CNTNAP2: variants seen among roughly 807,000 people sequenced by gnomAD.
CNTNAP2 encodes contactin associated protein 2, also known as contactin-associated protein-like 2.
A neutral mutation model predicts 155.2 loss-of-function variants in CNTNAP2; 98 were observed. The observed-to-expected ratio is 0.63, with a 90% CI of 0.54 to 0.75. CNTNAP2 has a LOEUF of 0.75. Ranked by LOEUF, CNTNAP2 falls within the 30% of genes least tolerant of loss-of-function variation. The probability of loss-of-function intolerance (pLI) is 0.00; values close to 1 mark genes in which losing one functional copy is unlikely to be tolerated. For missense variants in CNTNAP2, 1,727 were observed against 1,688.1 expected (o/e 1.02, Z -0.40); for synonymous variants, 651 against 631.2 (o/e 1.03, Z -0.47).
At chr7:146,855,924 C>T (rs1207993946) in intron 3 of CNTNAP2, among the ~76,000 whole-genome samples, 2 of 148,626 alleles carry the variant, frequency 1.3e-5, no homozygotes, top group East Asian at 2.0e-4. Context: ...ATTGCAGTAA[C>T]ACTAAGCACA....
At chr7:147,456,958 G>A (rs1217700451) in intron 10 of CNTNAP2, among the ~76,000 whole-genome samples, 1 of 152,038 alleles carries the variant, frequency 6.6e-6, no homozygotes, top group Non-Finnish European at 1.5e-5. Context: ...TAGAAATTGT[G>A]GTCAATAACT....
chr7:148,248,081 G>A (rs961985670), intron 20 of CNTNAP2, among the ~76,000 whole-genome samples: 8 of 152,018 alleles, frequency 5.3e-5, no homozygotes, highest in Admixed American at 2.6e-4. Context: ...TCAAAATTTG[G>A]AATATTTCTA....
rs1434506810 is a variant in CNTNAP2 at position 148,419,003 on chromosome 7, A to ACAAG, written c.*3390_*3393dup. The ACAAG allele has an allele frequency of 6.6e-6, 1 of 152,268 alleles. No individual in the cohort carries two copies. Among genetic ancestry groups the ACAAG allele is most frequent in the African/African-American group, 2.4e-5 (1 of 41,458 alleles). The allele number at this position is 152,268 out of a possible 1,614,324, so 9.4% of individuals were successfully genotyped here. A position where few individuals can be genotyped will look rare whatever the true frequency, so the allele number is the denominator to read the frequency against. On this transcript the variant is annotated 3_prime_UTR_variant, in exon 24 of 24. Transcript: ENST00000361727. The stretch of plus-strand genomic sequence containing the variant: ...CGAAGCCATTGGAAGCACTTCAGGA[A>ACAAG]CAAGCACACAGCTGTGGGACTTGAA...
intron 15 of CNTNAP2, among the ~76,000 whole-genome samples, chr7:148,076,358 G>C (rs1043527146): frequency 1.4e-5 from 2 of 143,452 alleles, no homozygotes; most frequent in Non-Finnish European, 3.0e-5. Flanking sequence ...GAATGATCTC[G>C]CCCAAAATGT....
At chr7:146,392,060 C>A (rs1258491401) in intron 1 of CNTNAP2, among the ~76,000 whole-genome samples, 1 of 152,096 alleles carries the variant, frequency 6.6e-6, no homozygotes, top group Admixed American at 6.6e-5. Flanking sequence ...ATTAAGAAAT[C>A]ATATGTATTT....
chr7:148,315,325 G>A (rs2116525387), intron 21 of CNTNAP2, among the ~76,000 whole-genome samples: 1 of 152,272 alleles, frequency 6.6e-6, no homozygotes, highest in Non-Finnish European at 1.5e-5. Flanking sequence ...GGAGATAGGG[G>A]TGAGGCCGTT....
chr7:146,171,695 G>T (rs1364092741), intron 1 of CNTNAP2, among the ~76,000 whole-genome samples: 1 of 152,024 alleles, frequency 6.6e-6, no homozygotes, highest in African/African-American at 2.4e-5. Flanking sequence ...ATATGTAAAA[G>T]AAAAGATGTG....
intron 1 of CNTNAP2, among the ~76,000 whole-genome samples, chr7:146,271,773 T>C (rs1421844154): frequency 6.6e-6 from 1 of 152,106 alleles, no homozygotes; most frequent in Admixed American, 6.5e-5. Context: ...TTCTTGATAT[T>C]TTCTTAAATT....
At chr7:147,634,077 C>T (rs925971017) in intron 12 of CNTNAP2, among the ~76,000 whole-genome samples, 1 of 152,112 alleles carries the variant, frequency 6.6e-6, no homozygotes, top group Non-Finnish European at 1.5e-5. Flanking sequence ...GTAGAGCTAC[C>T]ATTTGATCCA....
At chr7:147,090,766 T>G (rs187069128) in intron 4 of CNTNAP2, among the ~76,000 whole-genome samples, 128 of 152,312 alleles carry the variant, frequency 8.4e-4, no homozygotes, top group African/African-American at 3.0e-3. Context: ...GATGTAATAT[T>G]TTTGCTGCAA....
chr7:147,950,022 C>T (rs1428431032), intron 14 of CNTNAP2, among the ~76,000 whole-genome samples: 1 of 152,002 alleles, frequency 6.6e-6, no homozygotes, highest in African/African-American at 2.4e-5. Context: ...TTGTCAAATC[C>T]CAACTTTTAC....
chr7:148,395,763 T>C (rs979842200), intron 22 of CNTNAP2, among the ~76,000 whole-genome samples: 21 of 152,202 alleles, frequency 1.4e-4, no homozygotes, highest in African/African-American at 5.1e-4. Flanking sequence ...GCTGCCTTTA[T>C]TCAAAGACTT....
chr7:147,727,298 A>T (rs1049180289), intron 13 of CNTNAP2, among the ~76,000 whole-genome samples: 10 of 151,926 alleles, frequency 6.6e-5, no homozygotes, highest in African/African-American at 2.4e-4. Flanking sequence ...CAACAACCTG[A>T]TACCTTTCTG....
chr7:147,874,099 C>A (rs778378607), intron 13 of CNTNAP2, among the ~76,000 whole-genome samples: 2 of 152,198 alleles, frequency 1.3e-5, no homozygotes, highest in African/African-American at 2.4e-5. Context: ...CTTTCATGGG[C>A]TGGCGTTGAA....
chr7:147,626,964 G>A (rs1794991494), intron 12 of CNTNAP2, among the ~76,000 whole-genome samples: 1 of 152,198 alleles, frequency 6.6e-6, no homozygotes, highest in African/African-American at 2.4e-5. Flanking sequence ...ATCCATGATT[G>A]AGAGACCTGA....
At chr7:148,330,981 GATGGAATGAACGC>G (rs1797990586) in intron 21 of CNTNAP2, among the ~76,000 whole-genome samples, 1 of 148,070 alleles carries the variant, frequency 6.8e-6, no homozygotes, top group Non-Finnish European at 1.5e-5. Flanking sequence ...AGAGTAGATG[GATGGAATGAACGC>G]ATGGAATGAA....
chr7:148,039,362 G>C lies in CNTNAP2; in HGVS notation c.2383+61373G>C, dbSNP rs560562351. Among the ~76,000 whole-genome samples, 19 of 152,218 alleles carry C rather than the reference G, an allele frequency of 1.2e-4. 1 individual carries two copies. Among genetic ancestry groups the C allele is most frequent in the African/African-American group, 4.6e-4 (19 of 41,524 alleles). On this transcript the variant is annotated intron_variant, in intron 15 of 23. Coordinates refer to ENST00000361727, the MANE Select transcript of CNTNAP2 (RefSeq NM_014141.6). ...TTATCTCTGGGACCTCAGCAAATTG[G>C]ATCATGCCTGCCCACATGAGGGAGG...
intron 11 of CNTNAP2, among the ~76,000 whole-genome samples, chr7:147,509,254 G>A (rs1180029864): frequency 1.3e-5 from 2 of 152,184 alleles, no homozygotes; most frequent in Non-Finnish European, 2.9e-5. Flanking sequence ...ACAGCATGCT[G>A]TGCAGACCGT....
intron 9 of CNTNAP2, among the ~76,000 whole-genome samples, chr7:147,356,188 A>G (rs1584895653): frequency 6.6e-6 from 1 of 152,188 alleles, no homozygotes; most frequent in South Asian, 2.1e-4. Flanking sequence ...CAAAAACTAC[A>G]TGATTATCTT....
Sources: gnomAD v4.1 joint callset for allele counts (sites outside exome capture counted in the v4.1 genomes callset) on GRCh38, gnomAD v4.1.1 for gene constraint, MANE v1.5 for transcripts, NCBI Gene and HGNC (gene_info 2026-07-23, HGNC 2026-07-21) for gene names.